The following SLC39A10 variants were observed in gnomAD, a reference collection of about 807,000 sequenced individuals.
SLC39A10 encodes zinc transporter ZIP10.
In SLC39A10, 13 loss-of-function variants were observed where a neutral mutation model predicts 65.1. The observed-to-expected ratio is 0.20, with a 90% CI of 0.13 to 0.32. The LOEUF is 0.32. Ranked by LOEUF, SLC39A10 falls within the 10% of genes least tolerant of loss-of-function variation. The pLI, the probability that SLC39A10 is intolerant of heterozygous loss-of-function variation, is 1.00. For missense variants in SLC39A10, 831 were observed against 1,018.4 expected, an observed-to-expected ratio of 0.82 and a Z score of 2.50; for synonymous variants, 321 against 342.2, an observed-to-expected ratio of 0.94 and a Z score of 0.68.
At position 195,621,887 on chromosome 2, in the gene SLC39A10, C is replaced by A. The variant is rs1248505306; in HGVS notation, c.-12+15654C>A. On this transcript the variant is annotated intron_variant, in intron 2 of 2. Coordinates refer to the SLC39A10 transcript ENST00000458054. ...CATGAAAATTTTCCCGTTAACTCTT[C>A]ATAAACACCCTGTAAAGTAAGGCAT... 3.9e-5 allele frequency among the ~76,000 whole-genome samples: 6 copies of A among 152,090 alleles called. No homozygotes were observed. In the East Asian group the frequency reaches 1.2e-3, roughly 29 times the overall value.
rs775628957 is a variant in SLC39A10, at chr2:195,708,685, A to C, written c.1416A>C (p.Gln472His). The C allele has an allele frequency of 6.2e-7, 1 of 1,608,734 alleles. No homozygotes were observed. Among genetic ancestry groups the C allele is most frequent in the African/African-American group, 1.3e-5 (1 of 74,964 alleles). The part of the protein sequence containing the change: ...HSQGGHDHSH[Q>H]HAHGHGHSHG... ...AGGGTGGACATGATCACAGTCACCA[A>C]CATGCACATGGGCATGGACATTCTC... The change falls in exon 5 of 10, where the codon CAA (glutamine) becomes CAC (histidine). Residue 472 changes from glutamine to histidine, a missense_variant. By Grantham distance (24) the Gln-to-His change is conservative. Transcript: ENST00000359634.
At chr2:195,676,079 T>C (rs1690077494) in intron 1 of SLC39A10, among the ~76,000 whole-genome samples, 1 of 152,162 alleles carries the variant, frequency 6.6e-6, no homozygotes, top group Admixed American at 6.5e-5. Flanking sequence ...GTTTTTTTAT[T>C]ACTATATGTG....
intron 3 of SLC39A10, among the ~76,000 whole-genome samples, chr2:195,698,152 A>C (rs543520117): frequency 6.6e-6 from 1 of 152,086 alleles, no homozygotes; most frequent in Non-Finnish European, 1.5e-5. Flanking sequence ...TATTTTAAGA[A>C]AAGTGAGAGT....
At chr2:195,713,775 A>G (rs1202093304) in intron 6 of SLC39A10, among the ~76,000 whole-genome samples, 1 of 152,180 alleles carries the variant, frequency 6.6e-6, no homozygotes, top group African/African-American at 2.4e-5. Flanking sequence ...GATAGGAGAA[A>G]CAACAGTTTA....
rs763672125 is a variant in SLC39A10, at chr2:195,680,581, A to T, written c.539A>T (p.His180Leu). The T allele has an allele frequency of 4.3e-6, 7 of 1,614,084 alleles. No homozygotes were observed. In the African/African-American group the frequency reaches 8.0e-5, roughly 18 times the overall value. Residue 180 changes from histidine (H) to leucine (L), a missense_variant, in exon 2 of 10, where the codon CAT becomes CTT. Physicochemically the swap from His to Leu is moderately conservative, Grantham distance 99 (BLOSUM62 -3). This residue lies in a region of SLC39A10 where 446 missense variants were observed against 499.2 expected (regional missense o/e 0.89). Transcript: ENST00000359634. Reference sequence around the variant, plus strand: ...CATGACCATAATCACCGCCTACGTCATCACCATCGTTTGCATCATCATCTT... The same window carrying T: ...CATGACCATAATCACCGCCTACGTCTTCACCATCGTTTGCATCATCATCTT... The part of the protein sequence containing the change: ...HMHDHNHRLR[H>L]HHRLHHHLDH...
At chr2:195,669,687 A>G (rs1216132761) in intron 1 of SLC39A10, among the ~76,000 whole-genome samples, 1 of 152,142 alleles carries the variant, frequency 6.6e-6, no homozygotes, top group Non-Finnish European at 1.5e-5. Context: ...CAAAACTACA[A>G]TCCAAAGCCT....
At chr2:195,617,048 A>G (rs1193317402) in intron 2 of SLC39A10, among the ~76,000 whole-genome samples, 2 of 152,200 alleles carry the variant, frequency 1.3e-5, no homozygotes, top group Non-Finnish European at 2.9e-5. Context: ...ATTTTACATT[A>G]TGATTTCAGG....
At chr2:195,682,108 ATTTTCT>A (rs1170695909) in intron 2 of SLC39A10, among the ~76,000 whole-genome samples, 1 of 151,994 alleles carries the variant, frequency 6.6e-6, no homozygotes, top group Non-Finnish European at 1.5e-5. Flanking sequence ...TGACTCCTTG[ATTTTCT>A]TTTTAACTAT....
intron 2 of SLC39A10, among the ~76,000 whole-genome samples, chr2:195,642,623 G>A (rs1413066267): frequency 2.6e-5 from 4 of 152,172 alleles, no homozygotes; most frequent in Admixed American, 2.6e-4. Flanking sequence ...AGATTAAACA[G>A]TATTTCTCAT....
intron 3 of SLC39A10, 65 bp downstream of exon 3, chr2:195,683,971 T>C: frequency 9.2e-7 from 1 of 1,091,986 alleles, no homozygotes; most frequent in Non-Finnish European, 1.3e-6. Context: ...AAACTATAGT[T>C]GAATTAGAAA....
intron 1 of SLC39A10, among the ~76,000 whole-genome samples, chr2:195,667,712 C>T (rs1302801861): frequency 6.6e-6 from 1 of 151,980 alleles, no homozygotes; most frequent in African/African-American, 2.4e-5. Context: ...TATTATTTTC[C>T]CTGTTTTGCA....
intron 2 of SLC39A10, among the ~76,000 whole-genome samples, chr2:195,632,457 G>A (rs915941682): frequency 5.3e-5 from 8 of 151,506 alleles, no homozygotes; most frequent in African/African-American, 1.7e-4. Context: ...TTGCCACCAC[G>A]CCTGGTTAAT....
chr2:195,670,738 A>G (rs1032149790), intron 1 of SLC39A10, among the ~76,000 whole-genome samples: 3 of 152,208 alleles, frequency 2.0e-5, no homozygotes, highest in African/African-American at 4.8e-5. Context: ...AGTTGGGGAA[A>G]GAGTACATGG....
In SLC39A10 at chr2:195,683,645, C is replaced by A. The variant is rs546482131; in HGVS notation, c.1009-54C>A. The stretch of plus-strand genomic sequence containing the variant: ...TCTTAGGCAGTAATTTATTTTTTTG[C>A]ATAATCTCCTTAAAGACACTCTTAT... On this transcript the variant is annotated intron_variant, in intron 2 of 9. Coordinates refer to ENST00000359634, the MANE Select transcript of SLC39A10 (RefSeq NM_020342.3). 6 of 1,368,102 alleles carry A rather than the reference C, an allele frequency of 4.4e-6. No individual in the cohort carries two copies. In the East Asian group the frequency reaches 1.2e-4, roughly 26 times the overall value. The allele number at this position is 1,368,102 out of a possible 1,614,324, so 84.7% of individuals were successfully genotyped here. A position where few individuals can be genotyped will look rare whatever the true frequency, so the allele number is the denominator to read the frequency against.
At chr2:195,707,370 A>G (rs543072417) in intron 4 of SLC39A10, among the ~76,000 whole-genome samples, 58 of 152,344 alleles carry the variant, frequency 3.8e-4, no homozygotes, top group African/African-American at 8.4e-4. Flanking sequence ...ATAGCTGTCT[A>G]TCACCAGCTA....
At chr2:195,726,959 GT>G (rs566785630) in intron 8 of SLC39A10, among the ~76,000 whole-genome samples, 20 of 152,162 alleles carry the variant, frequency 1.3e-4, no homozygotes, top group East Asian at 1.9e-4. Context: ...AAGCTAATGG[GT>G]TTTTTTCTTT....
intron 2 of SLC39A10, among the ~76,000 whole-genome samples, chr2:195,636,382 T>A (rs1007449809): frequency 3.3e-5 from 5 of 152,240 alleles, no homozygotes; most frequent in African/African-American, 9.6e-5. Flanking sequence ...AAATTTTTTT[T>A]ATTTTTAGTT....
At chr2:195,683,636 A>AT (rs1690416178) in intron 2 of SLC39A10, 63 bp from the exon 3 acceptor site, 5 of 1,256,674 alleles carry the variant, frequency 4.0e-6, no homozygotes, top group South Asian at 1.3e-5. Context: ...GCAGTAATTT[A>AT]TTTTTTTGCA....
chr2:195,711,807 AT>A (rs1691609584), intron 5 of SLC39A10, among the ~76,000 whole-genome samples: 1 of 152,084 alleles, frequency 6.6e-6, no homozygotes. Flanking sequence ...TGGTGTTTTC[AT>A]TTTCTTTAAT....
Sources: allele counts gnomAD v4.1 joint callset (sites outside exome capture counted in the v4.1 genomes callset), GRCh38; gene constraint gnomAD v4.1.1; regional missense constraint gnomAD v4.1.1; transcripts MANE v1.5; gene names NCBI Gene and HGNC (gene_info 2026-07-23, HGNC 2026-07-21).